The following ATRX variants were observed in gnomAD, a reference collection of about 807,000 sequenced individuals.
ATRX encodes the protein chromatin remodeler ATRX.
A neutral mutation model predicts 172.6 loss-of-function variants in ATRX; 12 were observed. The observed-to-expected ratio is 0.07, with a 90% CI of 0.04 to 0.11. The LOEUF is 0.11. ATRX is among the 10% of genes least tolerant of loss of function. The probability of loss-of-function intolerance (pLI) is 1.00; values close to 1 mark genes in which losing one functional copy is unlikely to be tolerated. For synonymous variants in ATRX, 674 were observed against 594.7 expected (o/e 1.13, Z -1.94); for missense variants, 1,368 against 1,767.4 (o/e 0.77, Z 4.05).
At chrX:77,627,061 T>TA (rs2067892317) in intron 19 of ATRX, among the ~76,000 whole-genome samples, 1 of 109,758 alleles carries the variant, frequency 9.1e-6, no homozygotes, top group South Asian at 3.9e-4. Context: ...CCGTTTCCAC[T>TA]AAAAAAATAC....
chrX:77,614,225 T>C (rs782671098), intron 22 of ATRX, among the ~76,000 whole-genome samples: 56 of 112,023 alleles, frequency 5.0e-4, no homozygotes, highest in Non-Finnish European at 2.8e-4. Context: ...GCAAGTAAAA[T>C]AGGCAGGTGA....
At chrX:77,579,708 A>G (rs894751934) in intron 27 of ATRX, among the ~76,000 whole-genome samples, 8 of 111,815 alleles carry the variant, frequency 7.2e-5, no homozygotes, top group Admixed American at 1.9e-4. Context: ...AAACAAGCCC[A>G]GACTGCAAAG....
At chrX:77,543,559 A>C (rs1269288393) in intron 30 of ATRX, among the ~76,000 whole-genome samples, 1 of 112,127 alleles carries the variant, frequency 8.9e-6, no homozygotes. Context: ...GAACCAACTC[A>C]AATGCCCATC....
chrX:77,764,349 G>A (rs782626298), intron 1 of ATRX, among the ~76,000 whole-genome samples: 43 of 111,321 alleles, frequency 3.9e-4, no homozygotes, highest in African/African-American at 1.3e-3. Flanking sequence ...GTACACTTAG[G>A]GTATTAAGAG....
At chrX:77,745,192 A>C (rs1425417087) in intron 1 of ATRX, among the ~76,000 whole-genome samples, 2 of 107,066 alleles carry the variant, frequency 1.9e-5, no homozygotes, top group African/African-American at 6.8e-5. Flanking sequence ...AAAAAAAAAA[A>C]AAAACTAGAG....
intron 34 of ATRX, among the ~76,000 whole-genome samples, chrX:77,519,030 C>T (rs188810575): frequency 2.9e-4 from 32 of 112,067 alleles, no homozygotes; most frequent in African/African-American, 1.0e-3. Context: ...AAATCTGAGA[C>T]CTCAAACTAT....
At chrX:77,617,180 AATAACAT>A (rs2148248178) in intron 21 of ATRX, among the ~76,000 whole-genome samples, 1 of 112,158 alleles carries the variant, frequency 8.9e-6, no homozygotes, top group East Asian at 2.8e-4. Context: ...TATGTCAAAC[AATAACAT>A]ATAATTTTAG....
chrX:77,631,004 A>G (rs1313853943), intron 19 of ATRX, among the ~76,000 whole-genome samples: 4 of 111,291 alleles, frequency 3.6e-5, no homozygotes. Context: ...TGTAAATGTC[A>G]ATTTTCAGTA....
At chrX:77,626,169 T>C (rs1267008081) in intron 19 of ATRX, among the ~76,000 whole-genome samples, 1 of 101,578 alleles carries the variant, frequency 9.8e-6, no homozygotes, top group Non-Finnish European at 2.0e-5. Context: ...TTATTCTAAG[T>C]GAAGTAACTC....
intron 26 of ATRX, 39 bp downstream of exon 26, chrX:77,593,657 A>G (rs782581134): frequency 2.7e-5 from 31 of 1,151,328 alleles, no homozygotes; most frequent in Non-Finnish European, 3.7e-5. Flanking sequence ...AACATAATCA[A>G]AAGGTTAATT....
chrX:77,636,799 G>C, intron 15 of ATRX, among the ~76,000 whole-genome samples: 1 of 106,698 alleles, frequency 9.4e-6, no homozygotes, highest in East Asian at 2.9e-4. Context: ...AGAAGAAGGA[G>C]AAGGAAGAAG....
chrX:77,665,036 T>C (rs2070158469), intron 10 of ATRX, among the ~76,000 whole-genome samples: 1 of 112,438 alleles, frequency 8.9e-6, no homozygotes, highest in African/African-American at 3.2e-5. Context: ...ACATATTCTA[T>C]TGACTATTTT....
chrX:77,746,400 T>C (rs1018068352), intron 1 of ATRX, among the ~76,000 whole-genome samples: 15 of 111,021 alleles, frequency 1.4e-4, no homozygotes, highest in African/African-American at 4.6e-4. Context: ...ACAACTAGAG[T>C]TCCTAGTCTG....
chrX:77,646,399 G>A (rs2068916379), intron 15 of ATRX, among the ~76,000 whole-genome samples: 1 of 110,928 alleles, frequency 9.0e-6, no homozygotes, highest in Admixed American at 9.6e-5. Flanking sequence ...ATAAAGCCAG[G>A]TTCTCAAAAA....
At chrX:77,587,861 A>G (rs1569527188) in intron 27 of ATRX, among the ~76,000 whole-genome samples, 1 of 112,489 alleles carries the variant, frequency 8.9e-6, no homozygotes, top group Non-Finnish European at 1.9e-5. Context: ...ATGTTCATGG[A>G]TAAGACATAA....
intron 2 of ATRX, among the ~76,000 whole-genome samples, chrX:77,712,852 T>G (rs1557162255): frequency 1.0e-5 from 1 of 99,552 alleles, no homozygotes; most frequent in African/African-American, 3.7e-5. Context: ...TAAAAATAAA[T>G]AAATAAACTG....
intron 13 of ATRX, among the ~76,000 whole-genome samples, chrX:77,655,839 G>A (rs2069518149): frequency 9.0e-6 from 1 of 110,876 alleles, no homozygotes; most frequent in Non-Finnish European, 1.9e-5. Context: ...ACTTACAAAT[G>A]CAGATAGACA....
intron 24 of ATRX, 53 bp downstream of exon 24, chrX:77,599,679 T>C: frequency 1.7e-6 from 2 of 1,183,552 alleles, no homozygotes; most frequent in African/African-American, 1.8e-5. Context: ...AATCAGCAAG[T>C]AGGGGTTTTA....
intron 1 of ATRX, among the ~76,000 whole-genome samples, chrX:77,764,814 T>C (rs1385097027): frequency 8.9e-6 from 1 of 112,262 alleles, no homozygotes; most frequent in Non-Finnish European, 1.9e-5. Context: ...ACAAATTCAA[T>C]GTAGAAACTG....
Sources: gnomAD v4.1 joint callset for allele counts (sites outside exome capture counted in the v4.1 genomes callset) on GRCh38, gnomAD v4.1.1 for gene constraint, MANE v1.5 for transcripts, NCBI Gene and HGNC (gene_info 2026-07-23, HGNC 2026-07-21) for gene names.